Variants in MAP4K4 observed in about 807,000 individuals in gnomAD.
The protein encoded by MAP4K4 is HPK/GCK-like kinase HGK.
A neutral mutation model predicts 189.6 loss-of-function variants in MAP4K4; 38 were observed. The ratio of observed to expected loss-of-function variants is 0.20; its 90% CI spans 0.15 to 0.26. The LOEUF (loss-of-function observed/expected upper bound fraction) is 0.26. Among genes scored for constraint, MAP4K4 ranks in the 10% least tolerant of loss-of-function variants. The pLI is 1.00. For synonymous variants in MAP4K4, 610 were observed against 624.3 expected, an observed-to-expected ratio of 0.98 and a Z score of 0.34; for missense variants, 1,054 against 1,726.9, an observed-to-expected ratio of 0.61 and a Z score of 6.91.
At chr2:101,831,432 G>A (rs1300428036) in intron 6 of MAP4K4, among the ~76,000 whole-genome samples, 1 of 151,962 alleles carries the variant, frequency 6.6e-6, no homozygotes, top group African/African-American at 2.4e-5. Context: ...GAAGGTTGTG[G>A]TTCATTCAAA....
intron 2 of MAP4K4, among the ~76,000 whole-genome samples, chr2:101,754,351 T>G (rs2071060436): frequency 7.0e-6 from 1 of 143,828 alleles, no homozygotes; most frequent in African/African-American, 2.6e-5. Flanking sequence ...GTTTTTTTTT[T>G]TTTTTTTTTT....
chr2:101,876,495 C>T (rs1198515336), intron 26 of MAP4K4, among the ~76,000 whole-genome samples: 1 of 152,126 alleles, frequency 6.6e-6, no homozygotes, highest in East Asian at 1.9e-4. Flanking sequence ...TTAAGAAAAG[C>T]TTAAATGTGA....
intron 22 of MAP4K4, 49 bp downstream of exon 22, chr2:101,869,846 C>G: frequency 3.4e-6 from 5 of 1,468,580 alleles, no homozygotes; most frequent in African/African-American, 1.4e-5. Flanking sequence ...CTCTCAGAGC[C>G]TGCTTTCCAC....
intron 16 of MAP4K4, among the ~76,000 whole-genome samples, chr2:101,862,541 A>G (rs2097697389): frequency 6.6e-6 from 1 of 152,206 alleles, no homozygotes; most frequent in African/African-American, 2.4e-5. Flanking sequence ...AACTTCGCAT[A>G]AATGGACAAT....
At chr2:101,859,537 C>A in intron 14 of MAP4K4, 106 bp from the exon 15 acceptor site, 1 of 879,422 alleles carries the variant, frequency 1.1e-6, no homozygotes, top group Non-Finnish European at 1.7e-6. Context: ...TTACAAAACA[C>A]AGAGGGAAAA....
intron 2 of MAP4K4, among the ~76,000 whole-genome samples, chr2:101,789,263 T>C (rs1297073719): frequency 6.6e-6 from 1 of 152,244 alleles, no homozygotes; most frequent in East Asian, 1.9e-4. Context: ...GAAATTCTAC[T>C]CTTTCTCCTT....
intron 14 of MAP4K4, 87 bp from the exon 15 acceptor site, chr2:101,859,556 C>T: frequency 2.9e-6 from 3 of 1,017,338 alleles, no homozygotes; most frequent in East Asian, 2.6e-5. Flanking sequence ...AATATATGGT[C>T]ACTTTTTTTA....
chr2:101,891,279 C>G, exon 33 of MAP4K4: 1 of 1,578,320 alleles, frequency 6.3e-7, no homozygotes, highest in South Asian at 1.1e-5. Flanking sequence ...TTACTGGCCT[C>G]CAGAGTCTTC....
chr2:101,802,455 TCTCCTCCTTCTACACAGTCA>T (rs2094458689), intron 3 of MAP4K4, among the ~76,000 whole-genome samples: 1 of 151,814 alleles, frequency 6.6e-6, no homozygotes, highest in South Asian at 2.1e-4. Context: ...CCAGCCCTCC[TCTCCTCCTTCTACACAGTCA>T]CTCCAAGCAC....
chr2:101,874,217 G>A (rs965838000), exon 26 of MAP4K4: 1 of 1,612,456 alleles, frequency 6.2e-7, no homozygotes, highest in African/African-American at 1.3e-5. Context: ...TACAAGAAGA[G>A]GTTTAACTCT....
chr2:101,856,998 T>G (rs942652995), intron 13 of MAP4K4, among the ~76,000 whole-genome samples: 2 of 152,238 alleles, frequency 1.3e-5, no homozygotes, highest in Non-Finnish European at 2.9e-5. Context: ...CAGTGACGCT[T>G]TTTATGTTAC....
rs111851614 is a variant in MAP4K4, at chr2:101,869,861, A to G, written c.2639+64A>G. The G allele has an allele frequency of 5.9e-3, 8,690 of 1,462,100 alleles. 33 individuals are homozygous for G. The highest frequency in any genetic ancestry group is 7.5e-3 in the Non-Finnish European group (8,259 of 1,105,882). 90.6% of individuals were successfully genotyped at this position (1,462,100 alleles called of 1,614,324 possible). A position where few individuals can be genotyped will look rare whatever the true frequency, so the allele number is the denominator to read the frequency against. ...CTCTCAGAGCCTGCTTTCCACTGGG[A>G]CCTAGTTGTTCCTAGACTATTCCGT... is the stretch of plus-strand genomic sequence containing the variant. On this transcript the variant is annotated intron_variant, in intron 22 of 32. Coordinates refer to ENST00000324219, the Ensembl canonical transcript of MAP4K4.
At chr2:101,879,946 T>A (rs1228949174) in intron 27 of MAP4K4, among the ~76,000 whole-genome samples, 2 of 152,076 alleles carry the variant, frequency 1.3e-5, no homozygotes, top group Non-Finnish European at 2.9e-5. Context: ...TAATTTGCAA[T>A]TTCCTAATGA....
intron 28 of MAP4K4, among the ~76,000 whole-genome samples, chr2:101,883,595 T>C (rs980846408): frequency 6.6e-6 from 1 of 152,190 alleles, no homozygotes; most frequent in African/African-American, 2.4e-5. Flanking sequence ...AATTAAAGTT[T>C]TATAGGAAAG....
chr2:101,855,495 A>G (rs978237632), intron 12 of MAP4K4, among the ~76,000 whole-genome samples: 2 of 152,226 alleles, frequency 1.3e-5, no homozygotes, highest in Admixed American at 1.3e-4. Context: ...TTATATTAAT[A>G]ATAATGGTCC....
intron 27 of MAP4K4, among the ~76,000 whole-genome samples, chr2:101,881,893 A>G (rs909768059): frequency 2.0e-5 from 3 of 152,170 alleles, no homozygotes; most frequent in Admixed American, 6.5e-5. Flanking sequence ...AGATGACTAC[A>G]CCACAATGTA....
chr2:101,838,189 CT>C (rs1238263752), intron 9 of MAP4K4, among the ~76,000 whole-genome samples: 1 of 152,074 alleles, frequency 6.6e-6, no homozygotes, highest in Admixed American at 6.5e-5. Flanking sequence ...CTTAGGAATC[CT>C]TTTGGAATCT....
chr2:101,729,135 G>C (rs1302722266), intron 2 of MAP4K4, among the ~76,000 whole-genome samples: 1 of 81,674 alleles, frequency 1.2e-5, no homozygotes, highest in Non-Finnish European at 2.7e-5. Context: ...TGTGTGTCCT[G>C]TTCCCACTCT....
chr2:101,730,788 C>T (rs2058098589), intron 2 of MAP4K4, among the ~76,000 whole-genome samples: 3 of 152,110 alleles, frequency 2.0e-5, no homozygotes, highest in Admixed American at 2.0e-4. Context: ...TGGCTCATGC[C>T]TGTAATCCCA....
Sources: allele counts gnomAD v4.1 joint callset (sites outside exome capture counted in the v4.1 genomes callset), GRCh38; gene constraint gnomAD v4.1.1; transcripts MANE v1.5; gene names NCBI Gene and HGNC (gene_info 2026-07-23, HGNC 2026-07-21).